Variants in NUCB2 observed in about 807,000 individuals in gnomAD.
The protein encoded by NUCB2 is nucleobindin 2, also known as nucleobindin-2.
In NUCB2, 48 loss-of-function variants were observed where a neutral mutation model predicts 57.9. That is an observed-to-expected ratio of 0.83 (90% CI 0.66 to 1.05). NUCB2 has a LOEUF of 1.05. NUCB2 is among the 50% of genes least tolerant of loss of function. NUCB2 has a pLI of 0.00. For missense variants in NUCB2, 442 were observed against 476.2 expected (o/e 0.93, Z 0.67); for synonymous variants, 139 against 152.1 (o/e 0.91, Z 0.64).
chr11:17,347,023 C>T (rs1232396439), intron 2 of NUCB2, among the ~76,000 whole-genome samples: 1 of 152,220 alleles, frequency 6.6e-6, no homozygotes, highest in Non-Finnish European at 1.5e-5. Context: ...AGCCATGACA[C>T]AGCCTCAGAA....
intron 2 of NUCB2, among the ~76,000 whole-genome samples, chr11:17,288,632 G>T (rs1411054901): frequency 7.3e-6 from 1 of 136,836 alleles, no homozygotes; most frequent in African/African-American, 2.7e-5. Context: ...CACTGCAACT[G>T]CAACCTCTGC....
intron 8 of NUCB2, among the ~76,000 whole-genome samples, chr11:17,311,613 A>G (rs950844043): frequency 2.0e-5 from 3 of 152,198 alleles, no homozygotes; most frequent in Non-Finnish European, 2.9e-5. Flanking sequence ...CTCTCATAGA[A>G]TATTGCTTTA....
intron 11 of NUCB2, among the ~76,000 whole-genome samples, chr11:17,328,110 A>G (rs554816996): frequency 2.0e-5 from 3 of 152,342 alleles, no homozygotes; most frequent in African/African-American, 7.2e-5. Flanking sequence ...ACTTGGGCCC[A>G]AAGTCCAGTA....
intron 2 of NUCB2, among the ~76,000 whole-genome samples, chr11:17,284,929 T>C (rs1943368271): frequency 6.6e-6 from 1 of 152,112 alleles, no homozygotes. Flanking sequence ...TCGCTTACCT[T>C]TGTCTTCTAG....
intron 1 of NUCB2, 124 bp downstream of exon 1, chr11:17,276,952 T>C (rs921729683): frequency 1.3e-5 from 2 of 151,944 alleles, no homozygotes; most frequent in Non-Finnish European, 2.9e-5. Flanking sequence ...GTGGGGGCCG[T>C]GCTGTGGGCG....
chr11:17,315,537 CT>C lies in NUCB2; in HGVS notation c.1002+66del, dbSNP rs542365583. ...ACAAATTCTACATCAGTCTATTCTA[CT>C]TTTAACTTTTATTCCCCATTATGTT... On this transcript the variant is annotated intron_variant, in intron 11 of 13. Transcript: ENST00000529010. 7.9e-5 allele frequency: 74 copies of C among 937,840 alleles called. No individual in the cohort carries two copies. The African/African-American group carries it at 1.1e-3, about 14-fold the overall frequency. The allele number at this position is 937,840 out of a possible 1,614,324, so 58.1% of individuals were successfully genotyped here. A position where few individuals can be genotyped will look rare whatever the true frequency, so the allele number is the denominator to read the frequency against.
At chr11:17,306,926 AG>A (rs1454987521) in intron 5 of NUCB2, among the ~76,000 whole-genome samples, 8 of 151,572 alleles carry the variant, frequency 5.3e-5, no homozygotes, top group Admixed American at 1.3e-4. Context: ...AAAAAAAAAA[AG>A]AAAAGAAAAC....
chr11:17,301,877 G>A lies in NUCB2; in HGVS notation c.379+7G>A. ...AAGTTGGATTCCCTTCAAGGTAAGT[G>A]CTAAACAAAAGGTAGGATTTTTTTT... On this transcript the variant is annotated splice_region_variant and intron_variant, in intron 5 of 13. Transcript: ENST00000529010. 1 of 1,604,200 alleles carries A rather than the reference G, an allele frequency of 6.2e-7. No homozygotes were observed. Among genetic ancestry groups the A allele is most frequent in the Non-Finnish European group, 8.5e-7 (1 of 1,176,284 alleles).
At chr11:17,316,208 G>A (rs959727114) in intron 11 of NUCB2, among the ~76,000 whole-genome samples, 3 of 152,034 alleles carry the variant, frequency 2.0e-5, no homozygotes, top group Non-Finnish European at 4.4e-5. Flanking sequence ...CTGACCTCGT[G>A]ATTCACCCAC....
chr11:17,317,162 A>G (rs1949360260), intron 11 of NUCB2, among the ~76,000 whole-genome samples: 1 of 152,180 alleles, frequency 6.6e-6, no homozygotes. Flanking sequence ...TAGACAGGAA[A>G]TCCCTGAATA....
chr11:17,326,711 G>A (rs1048163220), intron 11 of NUCB2, among the ~76,000 whole-genome samples: 1 of 152,018 alleles, frequency 6.6e-6, no homozygotes, highest in African/African-American at 2.4e-5. Flanking sequence ...TCCTCGTTTG[G>A]TCTTTTACTT....
intron 5 of NUCB2, among the ~76,000 whole-genome samples, chr11:17,302,688 C>T (rs1946942293): frequency 6.6e-6 from 1 of 151,978 alleles, no homozygotes. Context: ...CCTCCCACCT[C>T]AGCCTCCCAA....
intron 5 of NUCB2, among the ~76,000 whole-genome samples, chr11:17,309,287 C>T (rs962656883): frequency 3.3e-5 from 5 of 151,952 alleles, no homozygotes; most frequent in Non-Finnish European, 7.4e-5. Flanking sequence ...CACCATTGCT[C>T]TCCAGCTTGG....
At chr11:17,324,834 C>T (rs1208620885) in intron 11 of NUCB2, among the ~76,000 whole-genome samples, 1 of 150,406 alleles carries the variant, frequency 6.6e-6, no homozygotes, top group Non-Finnish European at 1.5e-5. Context: ...CAGAGCCTCA[C>T]TCTGTTGCCC....
Position 17,282,256 on chromosome 11 carries a change from A to T in NUCB2, c.-155-533A>T, listed in dbSNP as rs1466347562. On this transcript the variant is annotated intron_variant, in intron 1 of 13. Transcript: ENST00000529010. ...TCTATCTATATATATATATATATAT[A>T]TATTTTTTTTTTTTTTTCCCAAGAC... is the stretch of plus-strand genomic sequence containing the variant. 9.3e-3 allele frequency among the ~76,000 whole-genome samples: 1,006 copies of T among 108,182 alleles called. 17 individuals carry two copies. Among genetic ancestry groups the T allele is most frequent in the African/African-American group, 0.035 (908 of 25,836 alleles). 71.0% of individuals were successfully genotyped at this position (108,182 alleles called of 152,430 possible).
At chr11:17,312,634 C>T (rs960911280) in intron 10 of NUCB2, among the ~76,000 whole-genome samples, 3 of 151,814 alleles carry the variant, frequency 2.0e-5, no homozygotes, top group Non-Finnish European at 4.4e-5. Flanking sequence ...AACTCCTGAC[C>T]TCAGGTGATC....
At chr11:17,295,201 A>T in intron 2 of NUCB2, 123 bp from the exon 3 acceptor site, 7 of 719,002 alleles carry the variant, frequency 9.7e-6, no homozygotes, top group Non-Finnish European at 1.5e-5. Flanking sequence ...CTTTCCTATA[A>T]TTTTTTTTTT....
chr11:17,296,127 A>C lies in NUCB2; in HGVS notation c.168A>C (p.Glu56Asp). 6.2e-7 allele frequency: 1 copy of C among 1,609,418 alleles called. No homozygotes were observed. Among genetic ancestry groups the C allele is most frequent in the Non-Finnish European group, 8.5e-7 (1 of 1,176,990 alleles). The change falls in exon 4 of 14, where the codon GAA (glutamate) becomes GAC (aspartate). Residue 56 changes from glutamate (E) to aspartate (D), a missense_variant. Physicochemically the swap from Glu to Asp is conservative, Grantham distance 45 (BLOSUM62 2). Transcript: ENST00000529010. ...EPPDTGLYYD[E>D]YLKQVIDVLE... ...AGGATACTGGACTTTATTATGATGA[A>C]TATCTCAAGCAAGTGATTGATGTGC...
intron 2 of NUCB2, among the ~76,000 whole-genome samples, chr11:17,348,512 AT>A (rs1192434728): frequency 6.6e-6 from 1 of 150,444 alleles, no homozygotes; most frequent in African/African-American, 2.4e-5. Flanking sequence ...TAATATCTTG[AT>A]TTTTTTTGTG....
Sources: gnomAD v4.1 joint callset for allele counts (sites outside exome capture counted in the v4.1 genomes callset) on GRCh38, gnomAD v4.1.1 for gene constraint, MANE v1.5 for transcripts, NCBI Gene and HGNC (gene_info 2026-07-23, HGNC 2026-07-21) for gene names.